Variants in POLR3B observed in about 807,000 individuals in gnomAD.
POLR3B encodes the protein RNA polymerase III subunit B, also known as DNA-directed RNA polymerase III subunit RPC2.
Under a neutral mutation model 147.4 loss-of-function variants are expected in POLR3B, and 96 were observed. The observed-to-expected ratio is 0.65, with a 90% CI of 0.55 to 0.77. POLR3B has a LOEUF of 0.77. POLR3B is among the 30% of genes least tolerant of loss of function. The probability of loss-of-function intolerance (pLI) is 0.00; values close to 1 mark genes in which losing one functional copy is unlikely to be tolerated. For missense variants in POLR3B, 1,036 were observed against 1,413.5 expected (o/e 0.73, Z 4.28); for synonymous variants, 461 against 485.9 (o/e 0.95, Z 0.67).
At chr12:106,470,614 G>C (rs2038076333) in intron 23 of POLR3B, among the ~76,000 whole-genome samples, 1 of 152,166 alleles carries the variant, frequency 6.6e-6, no homozygotes, top group African/African-American at 2.4e-5. Flanking sequence ...GGTCTTTGAT[G>C]TTGGTGACCT....
At chr12:106,372,734 G>A (rs1339420139) in intron 6 of POLR3B, among the ~76,000 whole-genome samples, 1 of 152,018 alleles carries the variant, frequency 6.6e-6, no homozygotes, top group Non-Finnish European at 1.5e-5. Context: ...ACGGGATGTG[G>A]CTTAGCTTAC....
chr12:106,418,083 C>T (rs2037330175), intron 12 of POLR3B, among the ~76,000 whole-genome samples: 1 of 152,208 alleles, frequency 6.6e-6, no homozygotes, highest in Non-Finnish European at 1.5e-5. Flanking sequence ...AGAGTTGTCT[C>T]CACTGGCCAA....
intron 10 of POLR3B, among the ~76,000 whole-genome samples, chr12:106,403,721 A>G (rs901498020): frequency 1.3e-5 from 2 of 150,404 alleles, no homozygotes; most frequent in Admixed American, 1.3e-4. Context: ...CAAAAAACCA[A>G]ACACCACATG....
At chr12:106,403,711 C>A (rs1435221904) in intron 10 of POLR3B, among the ~76,000 whole-genome samples, 35 of 148,540 alleles carry the variant, frequency 2.4e-4, no homozygotes, top group African/African-American at 8.5e-4. Context: ...ATCGCAAGGA[C>A]AAAAAACCAA....
At chr12:106,384,858 C>T (rs1032762022) in intron 9 of POLR3B, among the ~76,000 whole-genome samples, 55 of 144,062 alleles carry the variant, frequency 3.8e-4, no homozygotes, top group Non-Finnish European at 2.3e-4. Context: ...GATGGCGTTT[C>T]GCTCTTTCAC....
At chr12:106,440,338 T>C (rs2037633335) in intron 18 of POLR3B, among the ~76,000 whole-genome samples, 1 of 152,190 alleles carries the variant, frequency 6.6e-6, no homozygotes, top group Non-Finnish European at 1.5e-5. Context: ...CCTGACTATT[T>C]TGACACCTGT....
intron 2 of POLR3B, among the ~76,000 whole-genome samples, chr12:106,365,546 C>T (rs1028085814): frequency 2.6e-5 from 4 of 152,038 alleles, no homozygotes; most frequent in African/African-American, 9.7e-5. Flanking sequence ...AAAGGAGCTG[C>T]ACATAAATGG....
At chr12:106,438,644 G>A (rs2037610587) in intron 18 of POLR3B, among the ~76,000 whole-genome samples, 1 of 152,098 alleles carries the variant, frequency 6.6e-6, no homozygotes, top group Admixed American at 6.5e-5. Flanking sequence ...ACAGGCATGA[G>A]CCACCATGCC....
chr12:106,471,691 TAATA>T (rs1231718155), intron 23 of POLR3B, among the ~76,000 whole-genome samples: 2 of 152,050 alleles, frequency 1.3e-5, no homozygotes, highest in Non-Finnish European at 2.9e-5. Context: ...AGCAGACACT[TAATA>T]GATAGTAGTT....
chr12:106,493,624 G>A (rs2137071067), intron 23 of POLR3B, among the ~76,000 whole-genome samples: 1 of 152,324 alleles, frequency 6.6e-6, no homozygotes. Flanking sequence ...ACAGTCAGCG[G>A]ACCAGAATAA....
Position 106,446,164 on chromosome 12 carries a change from A to G in POLR3B, c.2083+1574A>G, listed in dbSNP as rs928697590. The G allele has an allele frequency of 1.1e-5, 5 of 450,354 alleles. 1 individual carries two copies. The highest frequency in any genetic ancestry group is 2.2e-5 in the Non-Finnish European group (5 of 224,060). 27.9% of individuals were successfully genotyped at this position (450,354 alleles called of 1,614,324 possible). A position where few individuals can be genotyped will look rare whatever the true frequency, so the allele number is the denominator to read the frequency against. On this transcript the variant is annotated intron_variant, in intron 19 of 27. Coordinates refer to ENST00000228347, the MANE Select transcript of POLR3B (RefSeq NM_018082.6). ...GAACCCTGTGTGTCATGAAAGGGCT[A>G]TCACTTCTATTGGGTTTACCAAACC...
chr12:106,488,551 G>A (rs2038371990), intron 23 of POLR3B, among the ~76,000 whole-genome samples: 1 of 152,192 alleles, frequency 6.6e-6, no homozygotes, highest in South Asian at 2.1e-4. Flanking sequence ...TGACTTATCT[G>A]GTTGAGGCAT....
intron 23 of POLR3B, among the ~76,000 whole-genome samples, chr12:106,495,504 A>G (rs2038465426): frequency 6.6e-6 from 1 of 152,222 alleles, no homozygotes; most frequent in Non-Finnish European, 1.5e-5. Context: ...AAATCAGCCA[A>G]CCAGCCAGAG....
At chr12:106,418,788 C>T (rs1393370950) in intron 12 of POLR3B, among the ~76,000 whole-genome samples, 1 of 152,096 alleles carries the variant, frequency 6.6e-6, no homozygotes, top group Non-Finnish European at 1.5e-5. Flanking sequence ...GTGTGGATGG[C>T]CTTGTGGTTT....
At chr12:106,403,216 T>C (rs2037096545) in intron 10 of POLR3B, among the ~76,000 whole-genome samples, 1 of 151,578 alleles carries the variant, frequency 6.6e-6, no homozygotes, top group South Asian at 2.1e-4. Context: ...AAAATGCTCA[T>C]CATCACTGGC....
intron 18 of POLR3B, among the ~76,000 whole-genome samples, chr12:106,440,222 C>CAA (rs2037631979): frequency 6.6e-6 from 1 of 152,222 alleles, no homozygotes; most frequent in South Asian, 2.1e-4. Context: ...TAGCTCATCA[C>CAA]ATGAGCCTTC....
rs374278540 is a variant in POLR3B at position 106,504,383 on chromosome 12, T to C, written c.3272+129T>C. ...GTGATCACTAACATACCCTCCCTCA[T>C]GCATGTATTCCTGTCATTGGGGATA... On this transcript the variant is annotated intron_variant, in intron 27 of 27. Coordinates refer to ENST00000228347, the MANE Select transcript of POLR3B (RefSeq NM_018082.6). The surrounding 1 kb of genome is among the most constrained non-coding windows in gnomAD (Gnocchi z 4.6). 9 of 777,548 alleles carry C rather than the reference T, an allele frequency of 1.2e-5. No homozygotes were observed. The highest frequency in any genetic ancestry group is 8.5e-5 in the African/African-American group (5 of 59,010). 48.2% of individuals were successfully genotyped at this position (777,548 alleles called of 1,614,324 possible).
At chr12:106,478,093 G>A (rs1463174041) in intron 23 of POLR3B, among the ~76,000 whole-genome samples, 2 of 151,660 alleles carry the variant, frequency 1.3e-5, no homozygotes, top group African/African-American at 4.8e-5. Context: ...TCTTAGTAGA[G>A]ATGGAGTTTC....
intron 22 of POLR3B, among the ~76,000 whole-genome samples, chr12:106,460,440 G>A (rs2137033520): frequency 6.6e-6 from 1 of 152,292 alleles, no homozygotes; most frequent in East Asian, 1.9e-4. Context: ...GCAATAAAGG[G>A]CAGCACCAGG....
Sources: allele counts gnomAD v4.1 joint callset (sites outside exome capture counted in the v4.1 genomes callset), GRCh38; gene constraint gnomAD v4.1.1; non-coding constraint Gnocchi (gnomAD v3.1); transcripts MANE v1.5; gene names NCBI Gene and HGNC (gene_info 2026-07-23, HGNC 2026-07-21).